SKIC3: variants seen among roughly 807,000 people sequenced by gnomAD.
The protein encoded by SKIC3 is superkiller complex protein 3.
the SKIC3 span, chr5:95,517,371 G>C: frequency 5.6e-5 from 89 of 1,576,796 alleles, no homozygotes; most frequent in African/African-American, 1.1e-3. Flanking sequence ...TAAAAAGCAT[G>C]AAGTTTATCT....
chr5:95,517,591 G>A, the SKIC3 span, among the ~76,000 whole-genome samples: 1 of 151,962 alleles, frequency 6.6e-6, no homozygotes, highest in Admixed American at 6.6e-5. Context: ...CAGCAATCAC[G>A]CAAATAAATA....
At chr5:95,491,044 C>G in the SKIC3 span, 4 of 1,613,564 alleles carry the variant, frequency 2.5e-6, no homozygotes, top group Non-Finnish European at 3.4e-6. Flanking sequence ...CACCTGAAAA[C>G]AGGAAATACA....
chr5:95,533,555 C>T, the SKIC3 span, among the ~76,000 whole-genome samples: 1 of 152,182 alleles, frequency 6.6e-6, no homozygotes, highest in African/African-American at 2.4e-5. Context: ...CTCAGTTCCA[C>T]AAATTCCTGC....
At chr5:95,505,783 A>C in the SKIC3 span, among the ~76,000 whole-genome samples, 1 of 151,840 alleles carries the variant, frequency 6.6e-6, no homozygotes, top group African/African-American at 2.4e-5. Flanking sequence ...ACTGCACTCC[A>C]GCTTGGGCAA....
At chr5:95,509,531 G>C in the SKIC3 span, 1 of 1,267,724 alleles carries the variant, frequency 7.9e-7, no homozygotes, top group Non-Finnish European at 1.1e-6. Flanking sequence ...GCCAGTCAGA[G>C]ATTCTCCAGG....
the SKIC3 span, chr5:95,514,924 C>A: frequency 1.9e-6 from 3 of 1,611,650 alleles, no homozygotes; most frequent in Non-Finnish European, 2.5e-6. Context: ...CATGAGCTTG[C>A]TAGGAAAAAA....
the SKIC3 span, among the ~76,000 whole-genome samples, chr5:95,486,516 A>C: frequency 1.3e-5 from 2 of 152,168 alleles, no homozygotes; most frequent in Non-Finnish European, 2.9e-5. Context: ...ATTTGCTGGC[A>C]GCCCGGCATC....
At chr5:95,487,175 C>A in the SKIC3 span, among the ~76,000 whole-genome samples, 1 of 152,264 alleles carries the variant, frequency 6.6e-6, no homozygotes, top group Middle Eastern at 3.4e-3. Context: ...ATGCTTCCTG[C>A]CCTCAAACAT....
At chr5:95,511,314 T>A in the SKIC3 span, among the ~76,000 whole-genome samples, 26 of 152,312 alleles carry the variant, frequency 1.7e-4, no homozygotes, top group East Asian at 4.3e-3. Context: ...ATCGGAAGGC[T>A]AAGGCAAGAG....
At chr5:95,496,936 C>A in the SKIC3 span, among the ~76,000 whole-genome samples, 3 of 152,180 alleles carry the variant, frequency 2.0e-5, no homozygotes, top group East Asian at 5.8e-4. Flanking sequence ...ATGCTACAAA[C>A]TAAAATATAG....
the SKIC3 span, among the ~76,000 whole-genome samples, chr5:95,510,087 T>TA: frequency 1.5e-4 from 23 of 152,112 alleles, no homozygotes; most frequent in Admixed American, 3.9e-4. Flanking sequence ...TGTACGTATT[T>TA]AAAAAAAATA....
chr5:95,513,446 G>A, the SKIC3 span: 1 of 1,024,884 alleles, frequency 9.8e-7, no homozygotes, highest in Non-Finnish European at 1.5e-6. Flanking sequence ...TCCTGCCTTG[G>A]CATCCCAAAT....
chr5:95,540,904 T>C, the SKIC3 span: 1 of 1,422,176 alleles, frequency 7.0e-7, no homozygotes, highest in African/African-American at 1.4e-5. Flanking sequence ...AATCTGCAAA[T>C]AAAAACATTT....
the SKIC3 span, chr5:95,513,703 A>C: frequency 6.6e-7 from 1 of 1,505,746 alleles, no homozygotes; most frequent in African/African-American, 1.4e-5. Context: ...CAATAATAAT[A>C]CAAAATGAAA....
the SKIC3 span, chr5:95,537,017 A>C: frequency 6.2e-7 from 1 of 1,606,450 alleles, no homozygotes; most frequent in Admixed American, 1.7e-5. Flanking sequence ...TACAAGTCAC[A>C]TTAGAGATTT....
At chr5:95,530,333 C>A in the SKIC3 span, 1 of 1,262,370 alleles carries the variant, frequency 7.9e-7, no homozygotes, top group African/African-American at 1.5e-5. Flanking sequence ...CTTATGCATT[C>A]TTCACCACAT....
At chr5:95,515,059 T>C in the SKIC3 span, 3 of 813,664 alleles carry the variant, frequency 3.7e-6, no homozygotes, top group South Asian at 4.5e-5. Context: ...TGTTTAAGCA[T>C]AATTAGCAAT....
the SKIC3 span, among the ~76,000 whole-genome samples, chr5:95,510,943 T>C: frequency 2.0e-5 from 3 of 152,182 alleles, no homozygotes; most frequent in Non-Finnish European, 4.4e-5. Flanking sequence ...TTAAAAGTAG[T>C]AGTGGAAAGT....
At chr5:95,550,403 GA>G in the SKIC3 span, among the ~76,000 whole-genome samples, 1 of 145,024 alleles carries the variant, frequency 6.9e-6, no homozygotes, top group African/African-American at 2.5e-5. Context: ...TTACAGAAAG[GA>G]AAAAAAACGA....
Sources: gnomAD v4.1 joint callset for allele counts (sites outside exome capture counted in the v4.1 genomes callset) on GRCh38, gnomAD v4.1.1 for gene constraint, MANE v1.5 for transcripts, NCBI Gene and HGNC (gene_info 2026-07-23, HGNC 2026-07-21) for gene names.